PPOX: variants seen among roughly 807,000 people sequenced by gnomAD.
The protein encoded by PPOX is protoporphyrinogen oxidase.
In PPOX, 23 loss-of-function variants were observed where a neutral mutation model predicts 54.1. The observed-to-expected ratio is 0.43, with a 90% CI of 0.31 to 0.60. The LOEUF (loss-of-function observed/expected upper bound fraction) is 0.60, where lower values mean the gene tolerates loss of function less well. Ranked by LOEUF, PPOX falls within the 20% of genes least tolerant of loss-of-function variation. PPOX has a pLI of 0.13. For synonymous variants in PPOX, 224 were observed against 236.1 expected (o/e 0.95, Z 0.47); for missense variants, 512 against 601.1 (o/e 0.85, Z 1.55).
Position 161,167,397 on chromosome 1 carries a change from A to G in PPOX, c.249A>G (p.Glu83=). 6.2e-7 allele frequency: 1 copy of G among 1,613,940 alleles called. No individual in the cohort carries two copies. Among genetic ancestry groups the G allele is most frequent in the South Asian group, 1.1e-5 (1 of 91,078 alleles). ...TTTCTGAGCTTGGCTTGGATTCAGA[A>G]GTGCTGCCTGTCCGGGGAGACCACC... is the stretch of plus-strand genomic sequence containing the variant. ...LLVSELGLDS[E]VLPVRGDHPA... Residue 83 remains glutamate (E), a synonymous_variant, in exon 4 of 13, where the codon GAA becomes GAG. Transcript: ENST00000367999.
chr1:161,175,578 A>G (rs1298655740), downstream of PPOX, among the ~76,000 whole-genome samples: 1 of 152,126 alleles, frequency 6.6e-6, no homozygotes, highest in Non-Finnish European at 1.5e-5. Context: ...AGAGCCCATA[A>G]AGGGACAAGC....
downstream of PPOX, chr1:161,175,951 A>C (rs1663353596): frequency 6.2e-7 from 1 of 1,614,008 alleles, no homozygotes; most frequent in Non-Finnish European, 8.5e-7. Flanking sequence ...TCGGCCAAAT[A>C]GGGCACTGAG....
chr1:161,168,119 G>A lies in PPOX; in HGVS notation c.463G>A (p.Gly155Arg). 1 of 1,614,112 alleles carries A rather than the reference G, an allele frequency of 6.2e-7. No individual in the cohort carries two copies. The highest frequency in any genetic ancestry group is 8.5e-7 in the Non-Finnish European group (1 of 1,180,018). The change falls in exon 5 of 13, where the codon GGA becomes AGA. Residue 155 changes from glycine to arginine, a missense_variant. Coordinates refer to ENST00000367999, the MANE Select transcript of PPOX (RefSeq NM_001122764.3). Reference sequence around the variant, plus strand: ...GCACAGTTTTGCCCAGCGCCGCCTTGGACCTGAGGTGACACTTGCCCAGAG... The same window carrying A: ...GCACAGTTTTGCCCAGCGCCGCCTTAGACCTGAGGTGACACTTGCCCAGAG... ...TVHSFAQRRL[G>R]PEVASLAMDS...
downstream of PPOX, chr1:161,175,684 G>T: frequency 7.1e-7 from 1 of 1,410,146 alleles, no homozygotes; most frequent in Non-Finnish European, 9.7e-7. Context: ...CAGCCTACCT[G>T]CAGCCTCAGC....
exon 5 of PPOX, chr1:161,176,859 A>G: frequency 6.5e-7 from 1 of 1,535,856 alleles, no homozygotes; most frequent in East Asian, 2.4e-5. Context: ...ACCAAGAACC[A>G]GTTGAAGTGG....
chr1:161,166,762 T>G, intron 1 of PPOX, 78 bp from the exon 2 acceptor site: 2 of 1,591,940 alleles, frequency 1.3e-6, no homozygotes, highest in Non-Finnish European at 1.7e-6. Context: ...GTGGCCGGGA[T>G]AGAACTCAAA....
At chr1:161,173,508 G>A (rs561295570), downstream of PPOX, 310 of 1,555,680 alleles carry the variant, frequency 2.0e-4, 1 homozygote, top group African/African-American at 3.6e-3. Context: ...GGACCAGGGA[G>A]CTAAAGGTTA....
chr1:161,176,433 C>T, intron 4 of PPOX: 2 of 388,374 alleles, frequency 5.1e-6, no homozygotes, highest in Non-Finnish European at 9.5e-6. Context: ...GATAGACTCA[C>T]CTAGGTTCAA....
Position 161,166,882 on chromosome 1 carries a change from T to C in PPOX, c.35T>C (p.Ile12Thr), listed in dbSNP as rs28936677. The C allele has an allele frequency of 1.5e-5, 24 of 1,613,674 alleles. No homozygotes were observed. ...ACCGTGGTCGTGCTGGGCGGAGGCA[T>C]CAGCGGCTTGGCCGCCAGTTACCAC... ...GRTVVVLGGG[I>T]SGLAASYHLS... Residue 12 changes from isoleucine to threonine, a missense_variant, in exon 2 of 13, where the codon ATC (isoleucine) becomes ACC (threonine). Ile to Thr is a moderately conservative substitution (Grantham distance 89). Transcript: ENST00000367999.
At chr1:161,171,779 A>T (rs1661516662), downstream of PPOX, 1 of 1,609,064 alleles carries the variant, frequency 6.2e-7, no homozygotes, top group Non-Finnish European at 8.5e-7. Flanking sequence ...AACCCCATGA[A>T]TTCGGTTTCA....
downstream of PPOX, among the ~76,000 whole-genome samples, chr1:161,173,196 G>T (rs1662116180): frequency 6.6e-6 from 1 of 152,296 alleles, no homozygotes; most frequent in African/African-American, 2.4e-5. Context: ...TGCTAAAAAT[G>T]AGTTGGCCCT....
chr1:161,170,841 G>C (rs1661086812), intron 11 of PPOX, 66 bp from the exon 12 acceptor site: 1 of 1,613,694 alleles, frequency 6.2e-7, no homozygotes, highest in African/African-American at 1.3e-5. Context: ...ATTTGTCACT[G>C]TATGTCAGCC....
downstream of PPOX, chr1:161,171,356 C>T: frequency 9.0e-7 from 1 of 1,107,970 alleles, no homozygotes; most frequent in Admixed American, 2.1e-5. Context: ...ATCCCAGCCC[C>T]CTGAGCCAGG....
chr1:161,171,794 T>C, downstream of PPOX: 1 of 1,612,748 alleles, frequency 6.2e-7, no homozygotes, highest in South Asian at 1.1e-5. Flanking sequence ...GTTTCATGAT[T>C]AAGGTAGACA....
downstream of PPOX, chr1:161,171,833 G>A (rs757954359): frequency 1.2e-6 from 2 of 1,614,136 alleles, no homozygotes; most frequent in South Asian, 1.1e-5. Flanking sequence ...GAACCTCGGA[G>A]GGCTGTGTGG....
chr1:161,170,029 G>A lies in PPOX; in HGVS notation c.987+5G>A, dbSNP rs777244410. The A allele has an allele frequency of 1.2e-6, 2 of 1,611,978 alleles. No individual in the cohort carries two copies. The highest frequency in any genetic ancestry group is 3.3e-5 in the Admixed American group (2 of 59,712). On this transcript the variant is annotated splice_donor_5th_base_variant and intron_variant, in intron 9 of 12. Transcript: ENST00000367999. ...GGAGCCCATCTGCCTGTCCAGGTAT[G>A]ATAAAGGGACGGAGAGGCTGGGCAT...
chr1:161,167,557 CTTTTTTTTTT>C (rs397731347), intron 4 of PPOX, 71 bp downstream of exon 4: 68 of 555,124 alleles, frequency 1.2e-4, no homozygotes, highest in Middle Eastern at 1.3e-3. Flanking sequence ...TTCTTCTTTT[CTTTTTTTTTT>C]TTTTTTTTTT....
At chr1:161,176,681 G>A in intron 4 of PPOX, 1 of 610,492 alleles carries the variant, frequency 1.6e-6, no homozygotes, top group Non-Finnish European at 2.9e-6. Flanking sequence ...GAAAGTGGTT[G>A]GAAAGGAAGA....
chr1:161,165,752 G>C (rs541837031), upstream of PPOX: 15 of 263,262 alleles, frequency 5.7e-5, no homozygotes, highest in Middle Eastern at 1.2e-3. Context: ...TTTTGCTTAG[G>C]GGGTGATAGA....
Sources: gnomAD v4.1 joint callset for allele counts (sites outside exome capture counted in the v4.1 genomes callset) on GRCh38, gnomAD v4.1.1 for gene constraint, MANE v1.5 for transcripts, NCBI Gene and HGNC (gene_info 2026-07-23, HGNC 2026-07-21) for gene names.